The following TMEM117 variants were observed in gnomAD, a reference collection of about 807,000 sequenced individuals.
TMEM117 encodes the protein transmembrane protein 117.
TMEM117 carries 27 observed loss-of-function variants against 52.4 expected under a neutral mutation model. The observed-to-expected ratio is 0.51, with a 90% CI of 0.38 to 0.71. TMEM117 has a LOEUF of 0.71. TMEM117 is among the 30% of genes least tolerant of loss of function. The pLI is 0.00. For synonymous variants in TMEM117, 215 were observed against 206.3 expected, an observed-to-expected ratio of 1.04 and a Z score of -0.36; for missense variants, 556 against 630.5, an observed-to-expected ratio of 0.88 and a Z score of 1.26.
intron 7 of TMEM117, among the ~76,000 whole-genome samples, chr12:44,384,780 C>T (rs901813465): frequency 6.6e-6 from 1 of 152,100 alleles, no homozygotes; most frequent in African/African-American, 2.4e-5. Flanking sequence ...TCTATTCCGT[C>T]ACCAAGATCC....
Position 44,216,005 on chromosome 12 carries a change from C to CTTTTT in TMEM117, c.608+4634_608+4638dup, listed in dbSNP as rs778425747. 3.8e-3 allele frequency among the ~76,000 whole-genome samples: 425 copies of CTTTTT among 110,728 alleles called. 6 individuals carry two copies. The highest frequency in any genetic ancestry group is 0.01 in the African/African-American group (260 of 25,866). 72.6% of individuals were successfully genotyped at this position (110,728 alleles called of 152,430 possible). ...AGCTCCTTTCTTTCTTTCTTTCTTT[C>CTTTTT]TTTTTTTTTTTTTTTTTTTTGAGAC... On this transcript the variant is annotated intron_variant, in intron 5 of 7. Transcript: ENST00000266534.
chr12:44,257,345 G>C (rs1353141545), intron 5 of TMEM117, among the ~76,000 whole-genome samples: 1 of 151,858 alleles, frequency 6.6e-6, no homozygotes, highest in Non-Finnish European at 1.5e-5. Flanking sequence ...ATATATAGGT[G>C]TCCACTCCAT....
rs1947167578 is a variant in TMEM117 at position 44,063,242 on chromosome 12, A to G, written c.411-80283A>G. ...GTAGAATTATTTCTGTTTTGAAGCT[A>G]GAAGATGTTTTCAAAGAGTATAAAG... is the stretch of plus-strand genomic sequence containing the variant. On this transcript the variant is annotated intron_variant, in intron 3 of 7. Transcript: ENST00000266534. Among the ~76,000 whole-genome samples, 3 of 152,224 alleles carry G rather than the reference A, an allele frequency of 2.0e-5. No individual in the cohort carries two copies. The South Asian group carries it at 6.2e-4, about 32-fold the overall frequency.
chr12:44,195,193 A>T (rs746720819), intron 4 of TMEM117, among the ~76,000 whole-genome samples: 1 of 152,124 alleles, frequency 6.6e-6, no homozygotes, highest in Non-Finnish European at 1.5e-5. Context: ...GAAAAACCTG[A>T]TTCCCAGCTC....
At chr12:44,193,182 G>T (rs1332967623) in intron 4 of TMEM117, among the ~76,000 whole-genome samples, 1 of 152,164 alleles carries the variant, frequency 6.6e-6, no homozygotes, top group Admixed American at 6.5e-5. Flanking sequence ...GTTCTACAGT[G>T]CTAAAATGAG....
At chr12:44,302,362 C>T (rs1339169910) in intron 6 of TMEM117, among the ~76,000 whole-genome samples, 1 of 152,218 alleles carries the variant, frequency 6.6e-6, no homozygotes, top group Admixed American at 6.5e-5. Flanking sequence ...TCTAGTTCCA[C>T]CCAGATCAAC....
intron 6 of TMEM117, among the ~76,000 whole-genome samples, chr12:44,367,395 C>G (rs529236893): frequency 6.6e-6 from 1 of 152,130 alleles, no homozygotes; most frequent in African/African-American, 2.4e-5. Flanking sequence ...GCATTAGACA[C>G]AAGTTGATCA....
intron 6 of TMEM117, among the ~76,000 whole-genome samples, chr12:44,343,005 C>T (rs946869342): frequency 1.3e-5 from 2 of 152,104 alleles, no homozygotes; most frequent in African/African-American, 4.8e-5. Context: ...GGTATCTCAG[C>T]CTCCCGAGTA....
chr12:44,320,280 C>T (rs1360351988), intron 6 of TMEM117, among the ~76,000 whole-genome samples: 1 of 152,200 alleles, frequency 6.6e-6, no homozygotes, highest in Non-Finnish European at 1.5e-5. Flanking sequence ...TCTGCCCCTC[C>T]TTTAGACTCT....
In TMEM117 at chr12:44,027,119, AT is replaced by A. The variant is rs1367144920; in HGVS notation, c.410+82779del. Among the ~76,000 whole-genome samples, 530 of 115,238 alleles carry A rather than the reference AT, an allele frequency of 4.6e-3. 4 individuals are homozygous for A. Among genetic ancestry groups the A allele is most frequent in the African/African-American group, 0.015 (354 of 23,234 alleles). The allele number at this position is 115,238 out of a possible 152,430, so 75.6% of individuals were successfully genotyped here. ...ATTTTATTTTATTTTATTTTATCTTATTATTTTATTTTATATTTTATTTTAT... is the reference window on the plus strand; with the variant it reads ...ATTTTATTTTATTTTATTTTATCTTATATTTTATTTTATATTTTATTTTAT... On this transcript the variant is annotated intron_variant, in intron 3 of 7. Coordinates refer to ENST00000266534, the MANE Select transcript of TMEM117 (RefSeq NM_032256.3).
At chr12:44,231,157 C>G (rs112445587) in intron 5 of TMEM117, among the ~76,000 whole-genome samples, 14 of 151,962 alleles carry the variant, frequency 9.2e-5, no homozygotes, top group African/African-American at 3.4e-4. Flanking sequence ...GTGATCATTT[C>G]CTTGCTTTTC....
intron 2 of TMEM117, among the ~76,000 whole-genome samples, chr12:43,854,327 T>A (rs1249562169): frequency 6.6e-6 from 1 of 151,854 alleles, no homozygotes; most frequent in East Asian, 1.9e-4. Flanking sequence ...GCAAGCAGAT[T>A]GGGGTATGTG....
At chr12:44,050,334 G>A (rs543550806) in intron 3 of TMEM117, among the ~76,000 whole-genome samples, 4 of 152,160 alleles carry the variant, frequency 2.6e-5, no homozygotes, top group East Asian at 1.9e-4. Flanking sequence ...GTACCACCAC[G>A]CCTGGCTAAT....
rs1262924717 is a variant in TMEM117, at chr12:44,389,343, A to G, written c.*671A>G. The G allele has an allele frequency of 6.6e-6, 1 of 152,550 alleles. No individual in the cohort carries two copies. The highest frequency in any genetic ancestry group is 2.4e-5 in the African/African-American group (1 of 41,444). 9.4% of individuals were successfully genotyped at this position (152,550 alleles called of 1,614,324 possible). A position where few individuals can be genotyped will look rare whatever the true frequency, so the allele number is the denominator to read the frequency against. The stretch of plus-strand genomic sequence containing the variant: ...CCAGTAATTGAAATGAGGTGATGAT[A>G]CCTAATTATGTTTTCCTAATTAAAG... On this transcript the variant is annotated 3_prime_UTR_variant, in exon 8 of 8. Coordinates refer to ENST00000266534, the MANE Select transcript of TMEM117 (RefSeq NM_032256.3).
intron 3 of TMEM117, among the ~76,000 whole-genome samples, chr12:43,962,024 T>C (rs894880349): frequency 1.1e-4 from 16 of 152,214 alleles, no homozygotes; most frequent in Non-Finnish European, 7.3e-5. Context: ...TGAAAACAGT[T>C]AACAGAGTCC....
At chr12:44,163,339 T>C (rs1321136252) in intron 4 of TMEM117, among the ~76,000 whole-genome samples, 1 of 152,232 alleles carries the variant, frequency 6.6e-6, no homozygotes, top group Non-Finnish European at 1.5e-5. Flanking sequence ...TGGAGAACTT[T>C]AAAATGCTGT....
At chr12:44,338,569 G>T (rs1344364114) in intron 6 of TMEM117, among the ~76,000 whole-genome samples, 1 of 151,616 alleles carries the variant, frequency 6.6e-6, no homozygotes, top group African/African-American at 2.4e-5. Flanking sequence ...ATATAAATGT[G>T]CTATTACAAT....
intron 4 of TMEM117, among the ~76,000 whole-genome samples, chr12:44,183,253 C>T (rs945387484): frequency 6.6e-6 from 1 of 152,108 alleles, no homozygotes; most frequent in African/African-American, 2.4e-5. Context: ...TTTAGACATT[C>T]CCTATTATTG....
At position 44,299,749 on chromosome 12, in the gene TMEM117, T is replaced by A; in HGVS notation, c.768+10T>A. On this transcript the variant is annotated intron_variant, in intron 6 of 7. Coordinates refer to ENST00000266534, the MANE Select transcript of TMEM117 (RefSeq NM_032256.3). ...TCTTATTGTGATGCAGGTAAGTGTA[T>A]TTCCCTCCCCTCAGTGAAGCTGCTG... is the stretch of plus-strand genomic sequence containing the variant. The A allele has an allele frequency of 1.2e-6, 2 of 1,613,878 alleles. No individual in the cohort carries two copies. Among genetic ancestry groups the A allele is most frequent in the Non-Finnish European group, 1.7e-6 (2 of 1,179,840 alleles).
Sources: gnomAD v4.1 joint callset for allele counts (sites outside exome capture counted in the v4.1 genomes callset) on GRCh38, gnomAD v4.1.1 for gene constraint, MANE v1.5 for transcripts, NCBI Gene and HGNC (gene_info 2026-07-23, HGNC 2026-07-21) for gene names.